The following RHOJ variants were observed in gnomAD, a reference collection of about 807,000 sequenced individuals.
The protein encoded by RHOJ is ras homolog family member J, also known as rho-related GTP-binding protein RhoJ.
RHOJ carries 11 observed loss-of-function variants against 23.4 expected under a neutral mutation model. That is an observed-to-expected ratio of 0.47 (90% CI 0.30 to 0.78). The LOEUF is 0.78. Ranked by LOEUF, RHOJ falls within the 30% of genes least tolerant of loss-of-function variation. The pLI is 0.08. For missense variants in RHOJ, 254 were observed against 273.4 expected, an observed-to-expected ratio of 0.93 and a Z score of 0.50; for synonymous variants, 102 against 102.7, an observed-to-expected ratio of 0.99 and a Z score of 0.04.
At chr14:63,232,783 A>G (rs898226710) in intron 1 of RHOJ, among the ~76,000 whole-genome samples, 8 of 137,464 alleles carry the variant, frequency 5.8e-5, no homozygotes, top group African/African-American at 2.2e-4. Context: ...TGCAACCTCC[A>G]TCTCCCAGGC....
At chr14:63,230,905 A>T (rs1274446859) in intron 1 of RHOJ, among the ~76,000 whole-genome samples, 1 of 134,014 alleles carries the variant, frequency 7.5e-6, no homozygotes, top group Non-Finnish European at 1.5e-5. Context: ...CAGTGGTGTG[A>T]TCTCAGCTCA....
chr14:63,290,437 T>G (rs1882210467), intron 4 of RHOJ, among the ~76,000 whole-genome samples: 1 of 152,154 alleles, frequency 6.6e-6, no homozygotes, highest in South Asian at 2.1e-4. Context: ...ACATTTCACT[T>G]GTACATGATT....
At chr14:63,227,501 A>C (rs1260424288) in intron 1 of RHOJ, among the ~76,000 whole-genome samples, 1 of 152,238 alleles carries the variant, frequency 6.6e-6, no homozygotes, top group Non-Finnish European at 1.5e-5. Flanking sequence ...TAAAAAGTCT[A>C]GTTCAAGTTT....
chr14:63,261,598 AT>A (rs113442479), intron 1 of RHOJ, among the ~76,000 whole-genome samples: 5,884 of 137,652 alleles, frequency 0.043, 222 homozygotes, highest in East Asian at 0.11. Flanking sequence ...TGCCCAGCTA[AT>A]TTTTTTTTTT....
At chr14:63,269,494 G>T (rs1053652124) in intron 2 of RHOJ, among the ~76,000 whole-genome samples, 25 of 152,078 alleles carry the variant, frequency 1.6e-4, no homozygotes, top group African/African-American at 6.0e-4. Context: ...GGATTCATAG[G>T]TCAGTTTCAT....
rs1881877786 is a variant in RHOJ, at chr14:63,280,974, G to A, written c.241G>A (p.Asp81Asn). ...LGLYDTAGQEDYNQLRPLSYP... is the reference protein window; with the variant it reads ...LGLYDTAGQENYNQLRPLSYP... ...CCCTTGTCTGCTCTTCCCACAGGAGGACTACAACCAGCTGAGGCCACTCTC... is the reference window on the plus strand; with the variant it reads ...CCCTTGTCTGCTCTTCCCACAGGAGAACTACAACCAGCTGAGGCCACTCTC... The change falls in exon 3 of 5, where the codon GAC becomes AAC. Residue 81 changes from aspartate to asparagine, a missense_variant. By Grantham distance (23) the Asp-to-Asn change is conservative. Transcript: ENST00000316754. The A allele has an allele frequency of 6.2e-7, 1 of 1,612,082 alleles. No individual in the cohort carries two copies. Among genetic ancestry groups the A allele is most frequent in the Admixed American group, 1.7e-5 (1 of 59,864 alleles).
chr14:63,251,131 T>C (rs1387093379), intron 1 of RHOJ, among the ~76,000 whole-genome samples: 1 of 152,214 alleles, frequency 6.6e-6, no homozygotes, highest in East Asian at 1.9e-4. Flanking sequence ...TGTTTTATAT[T>C]TTCCTAGCAA....
intron 1 of RHOJ, among the ~76,000 whole-genome samples, chr14:63,259,674 C>A (rs1269605514): frequency 6.6e-6 from 1 of 152,082 alleles, no homozygotes; most frequent in African/African-American, 2.4e-5. Flanking sequence ...GCTGTTTTAT[C>A]GCAAATTATC....
intron 1 of RHOJ, among the ~76,000 whole-genome samples, chr14:63,227,175 C>T (rs1439868811): frequency 6.6e-6 from 1 of 152,152 alleles, no homozygotes; most frequent in East Asian, 1.9e-4. Flanking sequence ...TGGTCTCGAA[C>T]TCCTGGCCTC....
chr14:63,254,476 AACCTC>A (rs1895127888), intron 1 of RHOJ, among the ~76,000 whole-genome samples: 1 of 151,832 alleles, frequency 6.6e-6, no homozygotes, highest in Admixed American at 6.6e-5. Context: ...TCATTCAGCA[AACCTC>A]GTTGATTGAA....
At chr14:63,289,605 T>G (rs978273978) in intron 4 of RHOJ, among the ~76,000 whole-genome samples, 3 of 152,252 alleles carry the variant, frequency 2.0e-5, no homozygotes, top group Non-Finnish European at 2.9e-5. Context: ...CCTGAGCTTA[T>G]GAACAAATAA....
chr14:63,290,035 G>A (rs1021685348), intron 4 of RHOJ, among the ~76,000 whole-genome samples: 4 of 152,064 alleles, frequency 2.6e-5, no homozygotes, highest in Non-Finnish European at 5.9e-5. Context: ...ATGAGGTCAG[G>A]AGTTCAAGAC....
chr14:63,222,806 C>T (rs1349142088), intron 1 of RHOJ, among the ~76,000 whole-genome samples: 1 of 152,194 alleles, frequency 6.6e-6, no homozygotes. Flanking sequence ...GTTTCTTTTG[C>T]TGTGCAGAAG....
chr14:63,236,982 T>A (rs1007925228), intron 1 of RHOJ, among the ~76,000 whole-genome samples: 1 of 152,228 alleles, frequency 6.6e-6, no homozygotes, highest in Non-Finnish European at 1.5e-5. Context: ...CAAATAGTTG[T>A]TATACTGTAT....
At chr14:63,267,771 G>A (rs1212477460) in intron 1 of RHOJ, among the ~76,000 whole-genome samples, 1 of 152,186 alleles carries the variant, frequency 6.6e-6, no homozygotes, top group Non-Finnish European at 1.5e-5. Context: ...CGGGGTGGAC[G>A]GAGCTGGGTG....
At position 63,292,914 on chromosome 14, in the gene RHOJ, C is replaced by T. The variant is rs1338139839; in HGVS notation, c.*1890C>T. 6.7e-6 allele frequency: 1 copy of T among 149,302 alleles called. No individual in the cohort carries two copies. The highest frequency in any genetic ancestry group is 1.5e-5 in the Non-Finnish European group (1 of 67,718). The allele number at this position is 149,302 out of a possible 1,614,324, so 9.2% of individuals were successfully genotyped here. A position where few individuals can be genotyped will look rare whatever the true frequency, so the allele number is the denominator to read the frequency against. On this transcript the variant is annotated 3_prime_UTR_variant, in exon 5 of 5. Transcript: ENST00000316754. Reference sequence around the variant, plus strand: ...GCAGTGAGCTGTGACTGTGCCACTACACTCCAGCCTGAGTGACAGAGAAAG... The same window carrying T: ...GCAGTGAGCTGTGACTGTGCCACTATACTCCAGCCTGAGTGACAGAGAAAG...
At chr14:63,255,911 G>T (rs181838462) in intron 1 of RHOJ, among the ~76,000 whole-genome samples, 6,707 of 151,886 alleles carry the variant, frequency 0.044, 493 homozygotes, top group African/African-American at 0.15. Context: ...CTAGGCTGGA[G>T]TGCATGGAGT....
At chr14:63,217,283 T>G (rs932007650) in intron 1 of RHOJ, among the ~76,000 whole-genome samples, 1 of 136,554 alleles carries the variant, frequency 7.3e-6, no homozygotes, top group Non-Finnish European at 1.5e-5. Context: ...TTCCCCTTCC[T>G]GTGTCCATGT....
Position 63,236,749 on chromosome 14 carries a change from A to ACACACACACT in RHOJ, c.178+31711_178+31712insTCACACACAC, listed in dbSNP as rs1491424472. Among the ~76,000 whole-genome samples, 557 of 44,038 alleles carry ACACACACACT rather than the reference A, an allele frequency of 0.013. 3 individuals are homozygous for ACACACACACT. The African/African-American group carries it at 0.15, about 12-fold the overall frequency. 28.9% of individuals were successfully genotyped at this position (44,038 alleles called of 152,430 possible). ...CTCTCTTCATGGGAAGAGGCTTGAA[A>ACACACACACT]CACACACACACACACACACACACAC... is the stretch of plus-strand genomic sequence containing the variant. On this transcript the variant is annotated intron_variant, in intron 1 of 4. Coordinates refer to ENST00000316754, the MANE Select transcript of RHOJ (RefSeq NM_020663.5).
Sources: gnomAD v4.1 joint callset for allele counts (sites outside exome capture counted in the v4.1 genomes callset) on GRCh38, gnomAD v4.1.1 for gene constraint, MANE v1.5 for transcripts, NCBI Gene and HGNC (gene_info 2026-07-23, HGNC 2026-07-21) for gene names.